TPH2: variants seen among roughly 807,000 people sequenced by gnomAD.
The protein encoded by TPH2 is tryptophan 5-hydroxylase 2.
Under a neutral mutation model 59.1 loss-of-function variants are expected in TPH2, and 27 were observed. The observed-to-expected ratio is 0.46, with a 90% CI of 0.34 to 0.63. The LOEUF is 0.63. Ranked by LOEUF, TPH2 falls within the 30% of genes least tolerant of loss-of-function variation. The probability of loss-of-function intolerance (pLI) is 0.01; values close to 1 mark genes in which losing one functional copy is unlikely to be tolerated. For synonymous variants in TPH2, 220 were observed against 210.5 expected, an observed-to-expected ratio of 1.05 and a Z score of -0.39; for missense variants, 523 against 588.3, an observed-to-expected ratio of 0.89 and a Z score of 1.15.
At chr12:72,010,127 A>G (rs568663547) in intron 8 of TPH2, among the ~76,000 whole-genome samples, 1 of 152,350 alleles carries the variant, frequency 6.6e-6, no homozygotes, top group Admixed American at 6.5e-5. Flanking sequence ...AGGTCAAGTA[A>G]ATGGCAGAGC....
At chr12:71,946,077 CTGT>C (rs2139180596) in intron 4 of TPH2, among the ~76,000 whole-genome samples, 1 of 152,282 alleles carries the variant, frequency 6.6e-6, no homozygotes, top group Admixed American at 6.5e-5. Flanking sequence ...CAGACACCAG[CTGT>C]TAACTTGCAG....
At chr12:71,949,978 A>G (rs1871300830) in intron 5 of TPH2, among the ~76,000 whole-genome samples, 1 of 152,076 alleles carries the variant, frequency 6.6e-6, no homozygotes, top group Non-Finnish European at 1.5e-5. Context: ...TTTAGCCTTG[A>G]CTTTTCAGTA....
chr12:72,002,856 TA>T, intron 8 of TPH2, among the ~76,000 whole-genome samples: 1 of 152,248 alleles, frequency 6.6e-6, no homozygotes. Context: ...TTGTTCCAAG[TA>T]AAAGAATTTG....
intron 5 of TPH2, among the ~76,000 whole-genome samples, chr12:71,971,497 T>G (rs1179015429): frequency 6.6e-6 from 1 of 152,180 alleles, no homozygotes; most frequent in Non-Finnish European, 1.5e-5. Flanking sequence ...AAGCACATGT[T>G]TGTATTCTCC....
At chr12:72,025,161 G>T (rs372923379) in intron 9 of TPH2, among the ~76,000 whole-genome samples, 1 of 152,018 alleles carries the variant, frequency 6.6e-6, no homozygotes, top group Non-Finnish European at 1.5e-5. Context: ...TATTAATAGC[G>T]TTATCATAAT....
At chr12:71,953,162 C>CT (rs201864157) in intron 5 of TPH2, among the ~76,000 whole-genome samples, 6,189 of 144,162 alleles carry the variant, frequency 0.043, 222 homozygotes, top group South Asian at 0.13. Context: ...CTTTTCCCTG[C>CT]TTTTTTTTTT....
chr12:72,002,011 A>G lies in TPH2; in HGVS notation c.1068+7446A>G, dbSNP rs535399277. ...TTGCACAGAAGGGTGACTATAGTCAATAATAATGTCTATTTCAAAATAACT... is the reference window on the plus strand; with the variant it reads ...TTGCACAGAAGGGTGACTATAGTCAGTAATAATGTCTATTTCAAAATAACT... On this transcript the variant is annotated intron_variant, in intron 8 of 10. Transcript: ENST00000333850. Among the ~76,000 whole-genome samples, 74 of 152,298 alleles carry G rather than the reference A, an allele frequency of 4.9e-4. 1 individual carries two copies. In the South Asian group the frequency reaches 9.1e-3, roughly 19 times the overall value.
chr12:71,958,451 T>A (rs1178097581), intron 5 of TPH2, among the ~76,000 whole-genome samples: 1 of 152,258 alleles, frequency 6.6e-6, no homozygotes, highest in Non-Finnish European at 1.5e-5. Flanking sequence ...GTTATTCTCC[T>A]TACAGAATTC....
At chr12:71,999,315 T>C (rs942630615) in intron 8 of TPH2, among the ~76,000 whole-genome samples, 19 of 152,380 alleles carry the variant, frequency 1.2e-4, no homozygotes, top group African/African-American at 4.6e-4. Context: ...AACTCTTTTG[T>C]ATCTGAAGAA....
At chr12:71,941,307 A>AG (rs1871057256) in intron 1 of TPH2, among the ~76,000 whole-genome samples, 1 of 152,174 alleles carries the variant, frequency 6.6e-6, no homozygotes, top group South Asian at 2.1e-4. Flanking sequence ...GCGTTACGAC[A>AG]GTCAGGTTTT....
Position 71,942,002 on chromosome 12 carries a change from C to T in TPH2, c.255+269C>T, listed in dbSNP as rs150631529. Among the ~76,000 whole-genome samples, 174 of 152,230 alleles carry T rather than the reference C, an allele frequency of 1.1e-3. 4 individuals carry two copies. The East Asian group carries it at 0.018, about 16-fold the overall frequency. On this transcript the variant is annotated intron_variant, in intron 2 of 10. Coordinates refer to ENST00000333850, the MANE Select transcript of TPH2 (RefSeq NM_173353.4). ...GGTTAGGAGGTCAGTACTTCAAAAA[C>T]GTGAGCTTCACACCTGAAAATGAAA...
chr12:71,959,092 C>A (rs55858283), intron 5 of TPH2, among the ~76,000 whole-genome samples: 1 of 148,436 alleles, frequency 6.7e-6, no homozygotes, highest in Non-Finnish European at 1.5e-5. Flanking sequence ...CCTCTTCCTG[C>A]TTATACTGCC....
intron 5 of TPH2, chr12:71,962,782 G>T: frequency 4.0e-6 from 3 of 745,800 alleles, no homozygotes; most frequent in Non-Finnish European, 4.9e-6. Context: ...GCAGTGGCAC[G>T]ATCTCAGCTC....
chr12:72,031,196 A>G (rs1450140015), intron 9 of TPH2, 62 bp from the exon 10 acceptor site: 1 of 1,606,536 alleles, frequency 6.2e-7, no homozygotes, highest in East Asian at 2.2e-5. Flanking sequence ...TAAAAATGTG[A>G]TGTCATGGAG....
At chr12:71,973,536 C>T (rs1251926733) in intron 6 of TPH2, among the ~76,000 whole-genome samples, 1 of 152,188 alleles carries the variant, frequency 6.6e-6, no homozygotes, top group African/African-American at 2.4e-5. Context: ...ATTGCCCACC[C>T]CTTTCCTAGA....
chr12:71,943,700 A>G (rs1263636956), intron 2 of TPH2, among the ~76,000 whole-genome samples: 1 of 151,722 alleles, frequency 6.6e-6, no homozygotes, highest in Non-Finnish European at 1.5e-5. Flanking sequence ...TTGACTACTT[A>G]TCTTGCTCCT....
intron 7 of TPH2, among the ~76,000 whole-genome samples, chr12:71,985,806 C>T (rs868178043): frequency 9.2e-5 from 14 of 152,284 alleles, no homozygotes; most frequent in East Asian, 1.9e-4. Context: ...ATCCAGTTCT[C>T]GGCCCAACTT....
chr12:72,013,426 C>T (rs1288901795), intron 8 of TPH2, among the ~76,000 whole-genome samples: 2 of 152,186 alleles, frequency 1.3e-5, no homozygotes, highest in African/African-American at 4.8e-5. Context: ...CCTCCACCTT[C>T]CTATGATGTG....
chr12:71,963,686 A>G (rs1353074438), intron 5 of TPH2, among the ~76,000 whole-genome samples: 1 of 48,212 alleles, frequency 2.1e-5, no homozygotes, highest in Admixed American at 2.2e-4. Flanking sequence ...GCACGCGCCT[A>G]TAGTCCCAGC....
Sources: gnomAD v4.1 joint callset for allele counts (sites outside exome capture counted in the v4.1 genomes callset) on GRCh38, gnomAD v4.1.1 for gene constraint, MANE v1.5 for transcripts, NCBI Gene and HGNC (gene_info 2026-07-23, HGNC 2026-07-21) for gene names.